PHACTR1: variants seen among roughly 807,000 people sequenced by gnomAD.
The protein encoded by PHACTR1 is RPEL repeat containing 1.
In PHACTR1, 16 loss-of-function variants were observed where a neutral mutation model predicts 69.2. The ratio of observed to expected loss-of-function variants is 0.23; its 90% CI spans 0.16 to 0.35. PHACTR1 has a LOEUF of 0.35. PHACTR1 is among the 10% of genes least tolerant of loss of function. PHACTR1 has a pLI of 1.00. For missense variants in PHACTR1, 510 were observed against 734.7 expected (o/e 0.69, Z 3.54); for synonymous variants, 312 against 284.5 (o/e 1.10, Z -0.97).
chr6:12,882,022 T>A (rs1783148015), intron 4 of PHACTR1, among the ~76,000 whole-genome samples: 1 of 152,086 alleles, frequency 6.6e-6, no homozygotes, highest in Non-Finnish European at 1.5e-5. Context: ...CATGGTCAAA[T>A]GCTGCAGGAG....
chr6:13,189,395 C>T (rs543300159), intron 7 of PHACTR1, among the ~76,000 whole-genome samples: 36 of 151,900 alleles, frequency 2.4e-4, no homozygotes, highest in African/African-American at 8.7e-4. Context: ...ATTCCCACCC[C>T]CCCTTTTTTT....
chr6:12,850,589 G>C (rs1779732114), intron 4 of PHACTR1, among the ~76,000 whole-genome samples: 1 of 152,220 alleles, frequency 6.6e-6, no homozygotes, highest in East Asian at 1.9e-4. Context: ...CTGTAGCAAA[G>C]TACCAAAATC....
intron 4 of PHACTR1, among the ~76,000 whole-genome samples, chr6:12,806,097 A>C (rs1400611164): frequency 1.3e-5 from 2 of 151,924 alleles, no homozygotes; most frequent in Non-Finnish European, 2.9e-5. Flanking sequence ...CTCTCTCTAC[A>C]CTGTCTTTTG....
At chr6:13,261,790 A>G (rs1775942652) in intron 10 of PHACTR1, among the ~76,000 whole-genome samples, 1 of 152,256 alleles carries the variant, frequency 6.6e-6, no homozygotes, top group Admixed American at 6.5e-5. Context: ...AGGAAGTGAT[A>G]CTGAAGCTTT....
chr6:12,933,566 C>A, intron 4 of PHACTR1: 1 of 1,586,576 alleles, frequency 6.3e-7, no homozygotes, highest in Non-Finnish European at 8.6e-7. Context: ...GGTGATTCTT[C>A]TTGTTATCTC....
chr6:12,939,838 C>T (rs1049323348), intron 4 of PHACTR1, among the ~76,000 whole-genome samples: 3 of 152,132 alleles, frequency 2.0e-5, no homozygotes, highest in African/African-American at 7.2e-5. Context: ...AGTTTTATAG[C>T]CAGCAAATGT....
intron 4 of PHACTR1, among the ~76,000 whole-genome samples, chr6:12,946,882 G>A (rs146249159): frequency 5.1e-5 from 7 of 137,890 alleles, no homozygotes; most frequent in Middle Eastern, 4.7e-3. Flanking sequence ...GCACAATCTC[G>A]GCTCACTGCA....
At chr6:12,758,894 G>A (rs570527860) in intron 4 of PHACTR1, among the ~76,000 whole-genome samples, 96 of 152,024 alleles carry the variant, frequency 6.3e-4, no homozygotes, top group African/African-American at 2.1e-3. Flanking sequence ...AGGCTGAGGC[G>A]GGTGGATCAC....
At chr6:12,884,664 G>A (rs1016965529) in intron 4 of PHACTR1, among the ~76,000 whole-genome samples, 1 of 152,198 alleles carries the variant, frequency 6.6e-6, no homozygotes, top group Admixed American at 6.5e-5. Flanking sequence ...GCCTCCCAAA[G>A]GGGTGGGGTT....
chr6:12,897,041 G>A (rs974772132), intron 4 of PHACTR1, among the ~76,000 whole-genome samples: 1 of 152,184 alleles, frequency 6.6e-6, no homozygotes, highest in Non-Finnish European at 1.5e-5. Context: ...CAGGGCAGAC[G>A]TGGAAATGTT....
intron 4 of PHACTR1, among the ~76,000 whole-genome samples, chr6:12,984,990 T>G (rs1345744475): frequency 6.6e-6 from 1 of 152,256 alleles, no homozygotes; most frequent in Non-Finnish European, 1.5e-5. Context: ...TGGAACTGCT[T>G]CTATACTTGG....
chr6:13,243,488 A>T (rs1224754912), intron 10 of PHACTR1, among the ~76,000 whole-genome samples: 1 of 152,088 alleles, frequency 6.6e-6, no homozygotes, highest in Non-Finnish European at 1.5e-5. Flanking sequence ...GGAATATTCA[A>T]ATATCTCATC....
intron 4 of PHACTR1, among the ~76,000 whole-genome samples, chr6:12,955,146 T>C (rs1259774680): frequency 6.6e-6 from 1 of 150,922 alleles, no homozygotes; most frequent in Non-Finnish European, 1.5e-5. Flanking sequence ...TTAATATGAC[T>C]ACTAGAAAAT....
intron 4 of PHACTR1, among the ~76,000 whole-genome samples, chr6:12,949,269 CAA>C (rs201027793): frequency 1.6e-4 from 9 of 57,008 alleles, no homozygotes; most frequent in Admixed American, 4.0e-4. Context: ...AACGTCATCT[CAA>C]AAAAAAAAAA....
At chr6:12,997,948 G>A (rs976483485) in intron 4 of PHACTR1, among the ~76,000 whole-genome samples, 5 of 151,748 alleles carry the variant, frequency 3.3e-5, no homozygotes, top group African/African-American at 9.7e-5. Context: ...GCCAGACTCC[G>A]TCTCAAAGAA....
At chr6:12,964,088 A>G (rs926461641) in intron 4 of PHACTR1, among the ~76,000 whole-genome samples, 1 of 152,220 alleles carries the variant, frequency 6.6e-6, no homozygotes, top group Non-Finnish European at 1.5e-5. Context: ...ATGTGTTTTT[A>G]TAAATATCAT....
At chr6:12,967,109 G>A (rs1360419184) in intron 4 of PHACTR1, among the ~76,000 whole-genome samples, 1 of 152,148 alleles carries the variant, frequency 6.6e-6, no homozygotes, top group African/African-American at 2.4e-5. Flanking sequence ...TAAGTATTAA[G>A]GGCTGTTCCC....
At chr6:12,849,160 A>G (rs1779576783) in intron 4 of PHACTR1, among the ~76,000 whole-genome samples, 1 of 152,182 alleles carries the variant, frequency 6.6e-6, no homozygotes, top group Admixed American at 6.5e-5. Context: ...TCCCAACGTA[A>G]GAGCAATGAC....
chr6:12,989,973 T>C, intron 4 of PHACTR1, among the ~76,000 whole-genome samples: 1 of 152,132 alleles, frequency 6.6e-6, no homozygotes, highest in East Asian at 1.9e-4. Context: ...TTGAGCACAG[T>C]GTTTACAGGT....
Sources: allele counts gnomAD v4.1 joint callset (sites outside exome capture counted in the v4.1 genomes callset), GRCh38; gene constraint gnomAD v4.1.1; transcripts MANE v1.5; gene names NCBI Gene and HGNC (gene_info 2026-07-23, HGNC 2026-07-21).